MOV10: variants seen among roughly 807,000 people sequenced by gnomAD.
The protein encoded by MOV10 is RNA helicase MOV-10.
In MOV10, 39 loss-of-function variants were observed where a neutral mutation model predicts 108.4. That is an observed-to-expected ratio of 0.36 (90% CI 0.28 to 0.47). MOV10 has a LOEUF of 0.47. Ranked by LOEUF, MOV10 falls within the 20% of genes least tolerant of loss-of-function variation. The pLI, the probability that MOV10 is intolerant of heterozygous loss-of-function variation, is 1.00. For missense variants in MOV10, 952 were observed against 1,297.6 expected (o/e 0.73, Z 4.09); for synonymous variants, 490 against 523.1 (o/e 0.94, Z 0.86).
chr1:112,679,036 G>A (rs2999155), intron 2 of MOV10, among the ~76,000 whole-genome samples: 77,366 of 151,806 alleles, frequency 0.51, 20,240 homozygotes, highest in South Asian at 0.66. Context: ...GCTTTGACCC[G>A]CTAATGGGAG....
Position 112,681,780 on chromosome 1 carries a change from TAC to T in MOV10, c.137+6733_137+6734del, listed in dbSNP as rs985506285. Among the ~76,000 whole-genome samples the T allele has an allele frequency of 8.6e-5, 13 of 151,244 alleles. 2 individuals carry two copies. The highest frequency in any genetic ancestry group is 3.2e-4 in the African/African-American group (13 of 40,616). ...TTTCCTGATGCATTTCAAAATAAGTTACAGACATCAGTACACTTCACTCCAAC... is the reference window on the plus strand; with the variant it reads ...TTTCCTGATGCATTTCAAAATAAGTTAGACATCAGTACACTTCACTCCAAC... On this transcript the variant is annotated intron_variant, in intron 2 of 20. Coordinates refer to ENST00000369645, the MANE Select transcript of MOV10 (RefSeq NM_001321324.2).
chr1:112,693,818 G>C (rs576978404), intron 7 of MOV10, 200 bp from the exon 8 acceptor site: 4 of 517,602 alleles, frequency 7.7e-6, no homozygotes, highest in African/African-American at 5.7e-5. Flanking sequence ...GGGCAGCTTC[G>C]GAGGATTTGT....
At chr1:112,684,373 T>C (rs1672908648) in intron 2 of MOV10, among the ~76,000 whole-genome samples, 1 of 151,346 alleles carries the variant, frequency 6.6e-6, no homozygotes, top group African/African-American at 2.4e-5. Context: ...GTTCAAGCGA[T>C]TCTCCTGCCT....
chr1:112,691,728 C>G lies in MOV10; in HGVS notation c.900C>G (p.Leu300=). 6.2e-7 allele frequency: 1 copy of G among 1,614,202 alleles called. No homozygotes were observed. The change falls in exon 6 of 21, where the codon CTC becomes CTG. Residue 300 remains leucine, a synonymous_variant. Transcript: ENST00000369645. Reference sequence around the variant, plus strand: ...GGACATACTACCCACCTCCCCGCCTCAGGCAGCTGCTCCCCATGCTTCTTC... The same window carrying G: ...GGACATACTACCCACCTCCCCGCCTGAGGCAGCTGCTCCCCATGCTTCTTC... ...ALGTYYPPPR[L]RQLLPMLLQG... is the part of the protein sequence containing the mutation.
intron 2 of MOV10, among the ~76,000 whole-genome samples, chr1:112,679,584 A>G (rs1672467060): frequency 1.3e-5 from 2 of 152,032 alleles, no homozygotes; most frequent in Admixed American, 1.3e-4. Flanking sequence ...CTGCAGATAT[A>G]GGGGGTGGCC....
Position 112,691,796 on chromosome 1 carries a change from TC to T in MOV10, c.969del (p.Lys324ArgfsTer8), listed in dbSNP as rs933510507. Reference sequence around the variant, plus strand: ...ACTGCCCCTAAGGAGATCGCAGAGATCAAGTAAGTACCATCCCTCTGCACCC... The same window carrying T: ...ACTGCCCCTAAGGAGATCGCAGAGATAAGTAAGTACCATCCCTCTGCACCC... ...IFTAPKEIAE[I>X]KAQLETALKW... On this transcript the variant is annotated frameshift_variant and splice_region_variant, in exon 6 of 21. Coordinates refer to ENST00000369645, the MANE Select transcript of MOV10 (RefSeq NM_001321324.2). LOFTEE classifies it high-confidence loss of function. 6.2e-7 allele frequency: 1 copy of T among 1,613,480 alleles called. No homozygotes were observed. Among genetic ancestry groups the T allele is most frequent in the Admixed American group, 1.7e-5 (1 of 59,964 alleles).
chr1:112,696,987 G>T (rs1674159806), intron 14 of MOV10, 141 bp downstream of exon 14: 5 of 730,312 alleles, frequency 6.8e-6, no homozygotes, highest in Non-Finnish European at 1.1e-5. Flanking sequence ...GAAGGCAGGA[G>T]GTTTTTCTAG....
At position 112,694,374 on chromosome 1, in the gene MOV10, G is replaced by A; in HGVS notation, c.1296-79G>A. The A allele has an allele frequency of 1.3e-6, 2 of 1,569,112 alleles. No homozygotes were observed. The highest frequency in any genetic ancestry group is 2.2e-5 in the East Asian group (1 of 44,656). On this transcript the variant is annotated intron_variant, in intron 8 of 20. Coordinates refer to ENST00000369645, the MANE Select transcript of MOV10 (RefSeq NM_001321324.2). This position sits in a 1 kb window ranked among gnomAD's most constrained non-coding sequence, Gnocchi z 4.1. The stretch of plus-strand genomic sequence containing the variant: ...CTTGGAAAGAGGGGTTGGGACACTG[G>A]TTGGTGGAGAAAGTTCTGGCCCTTT...
chr1:112,700,730 C>T lies in MOV10; in HGVS notation c.*223C>T, dbSNP rs892821138. On this transcript the variant is annotated 3_prime_UTR_variant, in exon 21 of 21. Transcript: ENST00000369645. ...AAAACTCTGAAAACAAAATCTTGTT[C>T]TATGCAAAAGCCTTGATAATGTCTC... 2.1e-5 allele frequency: 32 copies of T among 1,507,434 alleles called. No homozygotes were observed. The highest frequency in any genetic ancestry group is 2.7e-5 in the Non-Finnish European group (31 of 1,133,332). The allele number at this position is 1,507,434 out of a possible 1,614,324, so 93.4% of individuals were successfully genotyped here.
At chr1:112,674,780 G>A in intron 1 of MOV10, 51 bp downstream of exon 1, 1 of 848,864 alleles carries the variant, frequency 1.2e-6, no homozygotes, top group Middle Eastern at 3.8e-4. Context: ...GGAGCCCGCA[G>A]GATCAGGGGT....
chr1:112,690,452 T>C (rs1374588095), intron 5 of MOV10, among the ~76,000 whole-genome samples: 1 of 152,112 alleles, frequency 6.6e-6, no homozygotes, highest in East Asian at 1.9e-4. Flanking sequence ...CTCCGCCTCC[T>C]GGGCTCAAGC....
Position 112,696,853 on chromosome 1 carries a change from C to T in MOV10, c.2198+7C>T. On this transcript the variant is annotated splice_region_variant and intron_variant, in intron 14 of 20. Coordinates refer to ENST00000369645, the MANE Select transcript of MOV10 (RefSeq NM_001321324.2). ...AGCTGCTCCGCAACTACAGGTATTC[C>T]CATGCCCTTGCCTCCCCTGCCATAT... The T allele has an allele frequency of 2.5e-6, 4 of 1,572,646 alleles. No homozygotes were observed. Among genetic ancestry groups the T allele is most frequent in the Non-Finnish European group, 3.5e-6 (4 of 1,157,330 alleles).
In MOV10 at chr1:112,700,105, C is replaced by T. The variant is rs181264726; in HGVS notation, c.2799-114C>T. ...TCAGATGTGTCCATTTTCACAGCAT[C>T]ACTATTGTATTTATAAGTTAAATGA... On this transcript the variant is annotated intron_variant, in intron 19 of 20. Transcript: ENST00000369645. 4.1e-5 allele frequency: 65 copies of T among 1,585,882 alleles called. No homozygotes were observed. The African/African-American group carries it at 7.8e-4, about 19-fold the overall frequency.
rs751865425 is a variant in MOV10 at position 112,698,470 on chromosome 1, C to A, written c.2500C>A (p.Arg834=). 28 of 1,613,820 alleles carry A rather than the reference C, an allele frequency of 1.7e-5. No individual in the cohort carries two copies. The East Asian group carries it at 4.9e-4, about 28-fold the overall frequency. ...AAGTGTGGGCGTCATCTCCCCGTACCGGAAACAGGTCAGGTCCTCAGTTAC... is the reference window on the plus strand; with the variant it reads ...AAGTGTGGGCGTCATCTCCCCGTACAGGAAACAGGTCAGGTCCTCAGTTAC... ...PRSVGVISPY[R]KQVEKIRYCI... is the part of the protein sequence containing the mutation. The change falls in exon 16 of 21, where the codon CGG becomes AGG. Residue 834 remains arginine (R), a synonymous_variant. Coordinates refer to ENST00000369645, the MANE Select transcript of MOV10 (RefSeq NM_001321324.2).
Position 112,698,110 on chromosome 1 carries a change from A to G in MOV10, c.2315A>G (p.Gln772Arg). The change falls in exon 15 of 21, where the codon CAG becomes CGG. Residue 772 changes from glutamine (Q) to arginine (R), a missense_variant and splice_region_variant. Gln to Arg is a conservative substitution (Grantham distance 43). Transcript: ENST00000369645. ...RFCRWAGLPR[Q>R]GFPIIFHGVM... is the part of the protein sequence containing the mutation. ...TGCCGCTGGGCGGGCCTACCTCGAC[A>G]GGTGAGGCTGAGCAGGGCAGGCCCC... The G allele has an allele frequency of 6.2e-7, 1 of 1,613,834 alleles. No individual in the cohort carries two copies.
rs1672598597 is a variant in MOV10, at chr1:112,680,906, T to C, written c.137+5857T>C. ...TTAGTAGAGACGAGGTTTCACCATA[T>C]TGGTCAGGCTGGTCTTGAATTCCTA... On this transcript the variant is annotated intron_variant, in intron 2 of 20. Coordinates refer to ENST00000369645, the MANE Select transcript of MOV10 (RefSeq NM_001321324.2). 2.0e-5 allele frequency among the ~76,000 whole-genome samples: 3 copies of C among 151,610 alleles called. No homozygotes were observed. The South Asian group carries it at 6.2e-4, about 32-fold the overall frequency.
chr1:112,698,044 A>T lies in MOV10; in HGVS notation c.2249A>T (p.Glu750Val). ...DIPNQLYYEG[E>V]LQACADVVDR... Reference sequence around the variant, plus strand: ...CCTAACCAGCTCTATTATGAAGGGGAGCTGCAGGCCTGTGCTGATGTCGTG... The same window carrying T: ...CCTAACCAGCTCTATTATGAAGGGGTGCTGCAGGCCTGTGCTGATGTCGTG... Residue 750 changes from glutamate to valine, a missense_variant, in exon 15 of 21, where the codon GAG (glutamate) becomes GTG (valine). By Grantham distance (121) the Glu-to-Val change is moderately radical. Transcript: ENST00000369645. 6.2e-7 allele frequency: 1 copy of T among 1,614,098 alleles called. No individual in the cohort carries two copies. Among genetic ancestry groups the T allele is most frequent in the Non-Finnish European group, 8.5e-7 (1 of 1,180,010 alleles).
chr1:112,679,356 C>G (rs1456924400), intron 2 of MOV10, among the ~76,000 whole-genome samples: 2 of 152,076 alleles, frequency 1.3e-5, no homozygotes, highest in Non-Finnish European at 2.9e-5. Context: ...ATTTCTTTTT[C>G]TCTAAAATGG....
chr1:112,696,671 C>T lies in MOV10; in HGVS notation c.2023C>T (p.Leu675=). ...GGAAACAGGTGATCCAGGAGGGCAG[C>T]TGGTGCTGGCAGGAGACCCTCGGCA... ...VKETGDPGGQ[L]VLAGDPRQLG... is the part of the protein sequence containing the mutation. Residue 675 remains leucine (L), a synonymous_variant, in exon 14 of 21, where the codon CTG becomes TTG. Coordinates refer to ENST00000369645, the MANE Select transcript of MOV10 (RefSeq NM_001321324.2). The T allele has an allele frequency of 1.9e-6, 3 of 1,611,088 alleles. No individual in the cohort carries two copies. Among genetic ancestry groups the T allele is most frequent in the South Asian group, 2.2e-5 (2 of 90,532 alleles).
Sources: gnomAD v4.1 joint callset for allele counts (sites outside exome capture counted in the v4.1 genomes callset) on GRCh38, gnomAD v4.1.1 for gene constraint, Gnocchi (gnomAD v3.1) non-coding constraint, MANE v1.5 for transcripts, NCBI Gene and HGNC (gene_info 2026-07-23, HGNC 2026-07-21) for gene names.